Variants in CLTC observed in about 807,000 individuals in gnomAD.
The protein encoded by CLTC is clathrin heavy chain 1.
In CLTC, 16 loss-of-function variants were observed where a neutral mutation model predicts 195.8. The observed-to-expected ratio is 0.08, with a 90% CI of 0.06 to 0.12. CLTC has a LOEUF of 0.12. Among genes scored for constraint, CLTC ranks in the 10% least tolerant of loss-of-function variants. CLTC has a pLI of 1.00. For missense variants in CLTC, 796 were observed against 2,027.0 expected, an observed-to-expected ratio of 0.39 and a Z score of 11.66; for synonymous variants, 667 against 689.4, an observed-to-expected ratio of 0.97 and a Z score of 0.51.
intron 1 of CLTC, among the ~76,000 whole-genome samples, chr17:59,630,127 A>G (rs971179096): frequency 1.3e-5 from 2 of 152,088 alleles, no homozygotes; most frequent in Non-Finnish European, 2.9e-5. Flanking sequence ...CAGCCTCCCA[A>G]GTAGCTAGGA....
At chr17:59,646,981 A>G (rs772722871) in intron 2 of CLTC, among the ~76,000 whole-genome samples, 1 of 152,066 alleles carries the variant, frequency 6.6e-6, no homozygotes, top group Non-Finnish European at 1.5e-5. Flanking sequence ...AAAAAAATAC[A>G]TTTTCTTTCC....
chr17:59,629,516 T>C (rs529840655), intron 1 of CLTC, among the ~76,000 whole-genome samples: 1 of 108,856 alleles, frequency 9.2e-6, no homozygotes, highest in African/African-American at 3.2e-5. Flanking sequence ...CTAGAGATCA[T>C]AATTTTTTTT....
intron 17 of CLTC, among the ~76,000 whole-genome samples, chr17:59,678,861 G>C (rs1384629634): frequency 2.0e-5 from 3 of 152,028 alleles, no homozygotes; most frequent in Admixed American, 6.6e-5. Context: ...GATTAGCTGG[G>C]GGGAGGTGCC....
chr17:59,645,557 T>C (rs938931516), intron 2 of CLTC, among the ~76,000 whole-genome samples: 6 of 152,224 alleles, frequency 3.9e-5, no homozygotes, highest in Admixed American at 3.3e-4. Flanking sequence ...GTTTTTCATT[T>C]TGATAGAAGA....
At chr17:59,664,062 T>A in intron 9 of CLTC, 68 bp downstream of exon 9, 1 of 1,312,136 alleles carries the variant, frequency 7.6e-7, no homozygotes, top group Non-Finnish European at 1.1e-6. Flanking sequence ...TAGCCTGTAT[T>A]AACTCTTGAT....
At chr17:59,657,829 G>A (rs1199715748) in intron 6 of CLTC, among the ~76,000 whole-genome samples, 2 of 149,222 alleles carry the variant, frequency 1.3e-5, no homozygotes, top group Non-Finnish European at 3.0e-5. Flanking sequence ...AACTAGATTA[G>A]TGATAATTTA....
In CLTC at chr17:59,694,073, A is replaced by C. The variant is rs1264257561; in HGVS notation, c.*221A>C. On this transcript the variant is annotated 3_prime_UTR_variant, in exon 32 of 32. Coordinates refer to ENST00000269122, the MANE Select transcript of CLTC (RefSeq NM_004859.4). The stretch of plus-strand genomic sequence containing the variant: ...TTTATTTTCGAAGGGGAATAGTTTC[A>C]ATGTTTTATTCACTTGGGCTTTTTT... The C allele has an allele frequency of 8.0e-6, 3 of 376,844 alleles. No homozygotes were observed. Among genetic ancestry groups the C allele is most frequent in the Non-Finnish European group, 1.4e-5 (3 of 218,890 alleles). 23.3% of individuals were successfully genotyped at this position (376,844 alleles called of 1,614,324 possible).
At chr17:59,625,806 T>C (rs1018859565) in intron 1 of CLTC, among the ~76,000 whole-genome samples, 1 of 152,212 alleles carries the variant, frequency 6.6e-6, no homozygotes, top group Non-Finnish European at 1.5e-5. Context: ...AAGTGCTCAT[T>C]ATGGTATGTA....
At chr17:59,668,366 G>C (rs1235909950) in intron 13 of CLTC, among the ~76,000 whole-genome samples, 3 of 152,164 alleles carry the variant, frequency 2.0e-5, no homozygotes, top group Non-Finnish European at 2.9e-5. Flanking sequence ...GGCTAGCATA[G>C]CAAGACACCA....
At chr17:59,664,290 G>T (rs544377095) in intron 9 of CLTC, among the ~76,000 whole-genome samples, 2 of 152,034 alleles carry the variant, frequency 1.3e-5, no homozygotes, top group Non-Finnish European at 2.9e-5. Context: ...GGTGGCTTGC[G>T]CCTGTAATCC....
chr17:59,681,867 AC>A lies in CLTC; in HGVS notation c.3442+30del. 1 of 1,558,744 alleles carries A rather than the reference AC, an allele frequency of 6.4e-7. No individual in the cohort carries two copies. Among genetic ancestry groups the A allele is most frequent in the African/African-American group, 1.4e-5 (1 of 73,142 alleles). On this transcript the variant is annotated intron_variant, in intron 21 of 31. Coordinates refer to ENST00000269122, the MANE Select transcript of CLTC (RefSeq NM_004859.4). The surrounding 1 kb of genome is among the most constrained non-coding windows in gnomAD (Gnocchi z 5.0). ...ATGACTTCTTACCTTATGTATTGAA[AC>A]CTCATAAAATGATTAAGCTAAGCAT... is the stretch of plus-strand genomic sequence containing the variant.
chr17:59,657,986 G>A (rs1325595693), intron 6 of CLTC, among the ~76,000 whole-genome samples: 1 of 151,738 alleles, frequency 6.6e-6, no homozygotes, highest in Admixed American at 6.6e-5. Flanking sequence ...ATCACCTGGG[G>A]TCAGGAGTTT....
At chr17:59,641,999 G>GTTTTTTTTTTTTTTTTTTTTTTT in intron 1 of CLTC, among the ~76,000 whole-genome samples, 1 of 128,684 alleles carries the variant, frequency 7.8e-6, no homozygotes, top group Non-Finnish European at 1.7e-5. Context: ...AATCTTTGTT[G>GTTTTTTTTTTTTTTTTTTTTTTT]TTTTTTTTTT....
rs2031322839 is a variant in CLTC, at chr17:59,620,217, A to G, written c.42+44A>G. 2.5e-6 allele frequency: 4 copies of G among 1,607,630 alleles called. No individual in the cohort carries two copies. The East Asian group carries it at 8.9e-5, about 36-fold the overall frequency. On this transcript the variant is annotated intron_variant, in intron 1 of 31. Coordinates refer to ENST00000269122, the MANE Select transcript of CLTC (RefSeq NM_004859.4). ...TGGTGAGGGCTGTGGAGAAGGTGGT[A>G]GGAAGGATGGAAGACGCTGGAGTCT...
chr17:59,666,100 T>C lies in CLTC; in HGVS notation c.1645-3T>C. 1.9e-6 allele frequency: 3 copies of C among 1,593,950 alleles called. No homozygotes were observed. Among genetic ancestry groups the C allele is most frequent in the South Asian group, 2.2e-5 (2 of 89,480 alleles). ...ACAATTTCTTTTAAATCTTTTTTTG[T>C]AGATTGTAGATGTCTTTATGGAATA... On this transcript the variant is annotated splice_region_variant and splice_polypyrimidine_tract_variant and intron_variant, in intron 10 of 31. Transcript: ENST00000269122. The surrounding 1 kb of genome is among the most constrained non-coding windows in gnomAD (Gnocchi z 4.9).
chr17:59,635,935 C>G (rs916075352), intron 1 of CLTC, among the ~76,000 whole-genome samples: 1 of 152,090 alleles, frequency 6.6e-6, no homozygotes, highest in Non-Finnish European at 1.5e-5. Flanking sequence ...ATCGGCCAGG[C>G]GTGGTGGCTC....
intron 3 of CLTC, 131 bp downstream of exon 3, chr17:59,647,797 T>C: frequency 1.2e-6 from 1 of 816,924 alleles, no homozygotes; most frequent in Non-Finnish European, 1.9e-6. Context: ...GAAGACTTTT[T>C]TTTTCCTTCC....
chr17:59,666,788 G>T lies in CLTC; in HGVS notation c.1948-9G>T, dbSNP rs1267212881. On this transcript the variant is annotated splice_polypyrimidine_tract_variant and intron_variant, in intron 12 of 31. Coordinates refer to ENST00000269122, the MANE Select transcript of CLTC (RefSeq NM_004859.4). This position sits in a 1 kb window ranked among gnomAD's most constrained non-coding sequence, Gnocchi z 4.9. Reference sequence around the variant, plus strand: ...ATTTATTCATTCATTCATTTATTTTGTCTTGTAGTGGTTAGTCAACTACTT... The same window carrying T: ...ATTTATTCATTCATTCATTTATTTTTTCTTGTAGTGGTTAGTCAACTACTT... 1 of 1,603,772 alleles carries T rather than the reference G, an allele frequency of 6.2e-7. No individual in the cohort carries two copies. The highest frequency in any genetic ancestry group is 8.5e-7 in the Non-Finnish European group (1 of 1,174,150).
At chr17:59,673,587 C>T (rs995717202) in intron 14 of CLTC, 60 bp from the exon 15 acceptor site, 2 of 1,330,122 alleles carry the variant, frequency 1.5e-6, no homozygotes, top group Non-Finnish European at 2.1e-6. Context: ...TCATATGTTA[C>T]ACAGATTTGA....
Sources: gnomAD v4.1 joint callset for allele counts (sites outside exome capture counted in the v4.1 genomes callset) on GRCh38, gnomAD v4.1.1 for gene constraint, Gnocchi (gnomAD v3.1) non-coding constraint, MANE v1.5 for transcripts, NCBI Gene and HGNC (gene_info 2026-07-23, HGNC 2026-07-21) for gene names.